NUCB2: variants seen among roughly 807,000 people sequenced by gnomAD.
NUCB2 encodes the protein nucleobindin-2.
Under a neutral mutation model 57.9 loss-of-function variants are expected in NUCB2, and 48 were observed. The ratio of observed to expected loss-of-function variants is 0.83; its 90% CI spans 0.66 to 1.05. NUCB2 has a LOEUF of 1.05. Among genes scored for constraint, NUCB2 ranks in the 50% least tolerant of loss-of-function variants. The pLI is 0.00. For missense variants in NUCB2, 442 were observed against 476.2 expected (o/e 0.93, Z 0.67); for synonymous variants, 139 against 152.1 (o/e 0.91, Z 0.64).
At chr11:17,291,915 A>G (rs934342149) in intron 2 of NUCB2, among the ~76,000 whole-genome samples, 3 of 152,162 alleles carry the variant, frequency 2.0e-5, no homozygotes, top group Non-Finnish European at 2.9e-5. Context: ...TTGCTTTACC[A>G]ACATAATTTT....
rs374641983 is a variant in NUCB2 at position 17,344,479 on chromosome 11, A to T, written n.2627-4866A>T. 3.5e-4 allele frequency among the ~76,000 whole-genome samples: 53 copies of T among 152,196 alleles called. 1 individual carries two copies. The South Asian group carries it at 0.011, about 31-fold the overall frequency. On this transcript the variant is annotated intron_variant and non_coding_transcript_variant, in intron 2 of 2. Coordinates refer to the NUCB2 transcript ENST00000532240. ...CCCCCATTTTCCCACTTTTGTATTG[A>T]CTTTCCCACTATTGTATTTCTAATG...
downstream of NUCB2, among the ~76,000 whole-genome samples, chr11:17,335,124 AAATGG>A (rs1951701868): frequency 6.6e-6 from 1 of 152,140 alleles, no homozygotes; most frequent in South Asian, 2.1e-4. Flanking sequence ...TTTTTTTAAG[AAATGG>A]AATAGAATCT....
intron 5 of NUCB2, among the ~76,000 whole-genome samples, chr11:17,305,719 T>C (rs550549279): frequency 1.4e-3 from 215 of 152,184 alleles, no homozygotes; most frequent in Non-Finnish European, 2.7e-3. Context: ...ACTCCTGGGC[T>C]CAAGAGATTC....
chr11:17,328,129 A>G (rs1950922967), intron 11 of NUCB2, among the ~76,000 whole-genome samples: 1 of 152,182 alleles, frequency 6.6e-6, no homozygotes, highest in Non-Finnish European at 1.5e-5. Flanking sequence ...TAATTCTGTG[A>G]TTTTTGCAGA....
At chr11:17,322,092 A>G (rs903997489) in intron 11 of NUCB2, among the ~76,000 whole-genome samples, 1 of 151,794 alleles carries the variant, frequency 6.6e-6, no homozygotes, top group Non-Finnish European at 1.5e-5. Flanking sequence ...AAGCTTTTTT[A>G]CTTGATGTGA....
chr11:17,349,110 C>T (rs768661184), intron 2 of NUCB2, among the ~76,000 whole-genome samples: 5 of 152,154 alleles, frequency 3.3e-5, no homozygotes, highest in Non-Finnish European at 5.9e-5. Context: ...GCCAAAATCT[C>T]TCTCCAACTT....
chr11:17,318,072 A>G (rs957415883), intron 11 of NUCB2, among the ~76,000 whole-genome samples: 3 of 148,382 alleles, frequency 2.0e-5, no homozygotes, highest in Non-Finnish European at 4.4e-5. Flanking sequence ...ATCTTGGCTC[A>G]CTGCAACCTC....
At chr11:17,305,441 G>A (rs1211932837) in intron 5 of NUCB2, among the ~76,000 whole-genome samples, 2 of 151,988 alleles carry the variant, frequency 1.3e-5, no homozygotes, top group Non-Finnish European at 2.9e-5. Context: ...CTTTAATATT[G>A]AATATTAAAT....
intron 2 of NUCB2, among the ~76,000 whole-genome samples, chr11:17,288,644 TCC>T (rs1427471255): frequency 7.0e-6 from 1 of 141,932 alleles, no homozygotes; most frequent in African/African-American, 2.6e-5. Context: ...AACCTCTGCC[TCC>T]TAGGTTCAAG....
chr11:17,339,839 A>G (rs978584057), intron 2 of NUCB2, among the ~76,000 whole-genome samples: 2 of 152,156 alleles, frequency 1.3e-5, no homozygotes, highest in Non-Finnish European at 2.9e-5. Flanking sequence ...TTATAGCAGC[A>G]TGTTTTATAA....
At chr11:17,279,964 G>A (rs1942218234) in intron 1 of NUCB2, among the ~76,000 whole-genome samples, 1 of 151,638 alleles carries the variant, frequency 6.6e-6, no homozygotes, top group Non-Finnish European at 1.5e-5. Flanking sequence ...TAATTTTTAA[G>A]TATTTTTTTG....
At chr11:17,291,918 A>G (rs1278408915) in intron 2 of NUCB2, among the ~76,000 whole-genome samples, 1 of 152,202 alleles carries the variant, frequency 6.6e-6, no homozygotes, top group East Asian at 1.9e-4. Flanking sequence ...CTTTACCAAC[A>G]TAATTTTAAG....
chr11:17,348,546 C>T (rs1952959449), intron 2 of NUCB2, among the ~76,000 whole-genome samples: 1 of 151,782 alleles, frequency 6.6e-6, no homozygotes, highest in Admixed American at 6.6e-5. Context: ...CACTATGTTG[C>T]CTAAGCTGAT....
chr11:17,318,974 C>T (rs1218616013), intron 11 of NUCB2, among the ~76,000 whole-genome samples: 2 of 151,804 alleles, frequency 1.3e-5, no homozygotes, highest in Non-Finnish European at 2.9e-5. Flanking sequence ...AGTTTGAGAC[C>T]AGTCTGGGCA....
downstream of NUCB2, among the ~76,000 whole-genome samples, chr11:17,336,520 C>A (rs553310761): frequency 6.6e-6 from 1 of 151,206 alleles, no homozygotes; most frequent in Non-Finnish European, 1.5e-5. Flanking sequence ...TTTGGGAGGC[C>A]GAGGCGGGCG....
At chr11:17,328,690 T>C (rs1303978610) in intron 11 of NUCB2, among the ~76,000 whole-genome samples, 1 of 152,100 alleles carries the variant, frequency 6.6e-6, no homozygotes, top group Non-Finnish European at 1.5e-5. Context: ...GCCTTTACCC[T>C]TCAGGGAAGT....
At chr11:17,345,522 G>T (rs984674561) in intron 2 of NUCB2, among the ~76,000 whole-genome samples, 2 of 152,134 alleles carry the variant, frequency 1.3e-5, no homozygotes, top group Non-Finnish European at 2.9e-5. Flanking sequence ...GCCTGGCCAA[G>T]ATGGTGAAAC....
chr11:17,310,702 T>A, intron 6 of NUCB2, 123 bp from the exon 7 acceptor site: 2 of 605,790 alleles, frequency 3.3e-6, no homozygotes, highest in Admixed American at 3.5e-5. Context: ...AAAAGAGGAG[T>A]CCAGTATGTT....
At chr11:17,309,979 A>G (rs1160566825) in intron 6 of NUCB2, among the ~76,000 whole-genome samples, 2 of 152,202 alleles carry the variant, frequency 1.3e-5, no homozygotes, top group African/African-American at 2.4e-5. Flanking sequence ...GATTTTGCTT[A>G]AGAAATACTA....
Sources: gnomAD v4.1 joint callset for allele counts (sites outside exome capture counted in the v4.1 genomes callset) on GRCh38, gnomAD v4.1.1 for gene constraint, MANE v1.5 for transcripts, NCBI Gene and HGNC (gene_info 2026-07-23, HGNC 2026-07-21) for gene names.